Variants in RYR3 observed in about 807,000 individuals in gnomAD.
RYR3 encodes the protein ryanodine receptor 3.
Under a neutral mutation model 584.3 loss-of-function variants are expected in RYR3, and 207 were observed. That is an observed-to-expected ratio of 0.35 (90% CI 0.32 to 0.40). The LOEUF is 0.40. Among genes scored for constraint, RYR3 ranks in the 10% least tolerant of loss-of-function variants. RYR3 has a pLI of 1.00. For synonymous variants in RYR3, 2,416 were observed against 2,248.5 expected (o/e 1.07, Z -2.11); for missense variants, 5,616 against 6,089.2 (o/e 0.92, Z 2.59).
intron 67 of RYR3, 45 bp from the exon 68 acceptor site, chr15:33,800,725 T>G (rs2075872343): frequency 1.5e-6 from 2 of 1,347,904 alleles, no homozygotes; most frequent in East Asian, 4.6e-5. Context: ...AATATTTTAA[T>G]CTCTACTGAA....
intron 1 of RYR3, among the ~76,000 whole-genome samples, chr15:33,326,157 T>C (rs944683519): frequency 3.3e-5 from 5 of 152,180 alleles, no homozygotes; most frequent in African/African-American, 9.7e-5. Context: ...TTTTCCCCAA[T>C]GTCTACTGAA....
Position 33,790,965 on chromosome 15 carries a change from A to C in RYR3, c.9830+2507A>C, listed in dbSNP as rs550074272. ...GCTGGTAAATAAGATGAGAACTGAG[A>C]CTGGGCATTATATTAAGCAGCTCAT... is the stretch of plus-strand genomic sequence containing the variant. On this transcript the variant is annotated intron_variant, in intron 67 of 103. Coordinates refer to ENST00000634891, the MANE Select transcript of RYR3 (RefSeq NM_001036.6). Among the ~76,000 whole-genome samples, 108 of 152,222 alleles carry C rather than the reference A, an allele frequency of 7.1e-4. 1 individual carries two copies. The highest frequency in any genetic ancestry group is 1.5e-3 in the Admixed American group (23 of 15,284).
At chr15:33,660,006 G>A (rs866736640) in intron 33 of RYR3, among the ~76,000 whole-genome samples, 191 bp from the exon 34 acceptor site, 4 of 152,216 alleles carry the variant, frequency 2.6e-5, no homozygotes, top group Admixed American at 1.3e-4. Context: ...CCTCTTTTGG[G>A]TGCTGAAAGA....
In RYR3 at chr15:33,699,692, T is replaced by C; in HGVS notation, c.6250-12T>C. On this transcript the variant is annotated splice_polypyrimidine_tract_variant and intron_variant, in intron 40 of 103. Coordinates refer to ENST00000634891, the MANE Select transcript of RYR3 (RefSeq NM_001036.6). ...GATTCTTTTGTCTGACACTTTCTAC[T>C]TCTCCCTACAGATTGCATTTCCAAA... is the stretch of plus-strand genomic sequence containing the variant. 6.2e-7 allele frequency: 1 copy of C among 1,611,940 alleles called. No individual in the cohort carries two copies. The highest frequency in any genetic ancestry group is 1.1e-5 in the South Asian group (1 of 90,750).
At chr15:33,317,391 G>A (rs1487140472) in intron 1 of RYR3, among the ~76,000 whole-genome samples, 1 of 152,194 alleles carries the variant, frequency 6.6e-6, no homozygotes, top group African/African-American at 2.4e-5. Context: ...TGGTGAGGCT[G>A]TAGGGCCACA....
chr15:33,315,768 A>T (rs1201802445), intron 1 of RYR3, among the ~76,000 whole-genome samples: 1 of 152,178 alleles, frequency 6.6e-6, no homozygotes, highest in African/African-American at 2.4e-5. Flanking sequence ...CATCAGCAGT[A>T]GGGGGGTGGT....
chr15:33,592,943 A>G (rs2059202009), intron 16 of RYR3, among the ~76,000 whole-genome samples: 2 of 152,208 alleles, frequency 1.3e-5, no homozygotes, highest in South Asian at 4.1e-4. Context: ...GAGACGTGAG[A>G]CGTGGGACAT....
chr15:33,861,245 G>A (rs1216022248), intron 102 of RYR3, 67 bp downstream of exon 102: 2 of 1,164,996 alleles, frequency 1.7e-6, no homozygotes, highest in Admixed American at 2.0e-5. Flanking sequence ...AGGTCATATA[G>A]TTCAGTCTCT....
In RYR3 at chr15:33,706,999, C is replaced by A; in HGVS notation, c.6564C>A (p.Asn2188Lys). 1 of 1,613,928 alleles carries A rather than the reference C, an allele frequency of 6.2e-7. No homozygotes were observed. The highest frequency in any genetic ancestry group is 8.5e-7 in the Non-Finnish European group (1 of 1,179,938). Residue 2188 changes from asparagine (N) to lysine (K), a missense_variant, in exon 43 of 104, where the codon AAC becomes AAA. By Grantham distance (94) the Asn-to-Lys change is moderately conservative. Transcript: ENST00000634891. ...LAKGYPDVGW[N>K]PIEGERYLSF... ...AAGGATACCCTGATGTCGGCTGGAA[C>A]CCCATTGAAGGGGAACGCTACCTGT... is the stretch of plus-strand genomic sequence containing the variant.
intron 1 of RYR3, among the ~76,000 whole-genome samples, chr15:33,368,313 TG>T (rs1479720764): frequency 2.6e-5 from 4 of 151,844 alleles, no homozygotes; most frequent in African/African-American, 7.3e-5. Context: ...ACAGGACTTT[TG>T]TTTCTTCATT....
At chr15:33,648,163 A>T (rs2062216538) in intron 30 of RYR3, among the ~76,000 whole-genome samples, 1 of 152,188 alleles carries the variant, frequency 6.6e-6, no homozygotes, top group Non-Finnish European at 1.5e-5. Flanking sequence ...TTGCCTTCCC[A>T]TTTAATCTCC....
At chr15:33,540,000 G>A (rs146066056) in intron 6 of RYR3, among the ~76,000 whole-genome samples, 4 of 152,144 alleles carry the variant, frequency 2.6e-5, no homozygotes, top group East Asian at 1.9e-4. Context: ...GTTCAAACCC[G>A]TGTTGTTCAA....
At position 33,751,579 on chromosome 15, in the gene RYR3, G is replaced by GTT. The variant is rs200252156; in HGVS notation, c.8399+1305_8399+1306dup. Reference sequence around the variant, plus strand: ...AAGCCTTCACCCAGTTTTTGATGAGGTTTTTTTTTTTTTCTTGTAAATTTA... The same window carrying GTT: ...AAGCCTTCACCCAGTTTTTGATGAGGTTTTTTTTTTTTTTTCTTGTAAATTTA... On this transcript the variant is annotated intron_variant, in intron 57 of 103. Coordinates refer to ENST00000634891, the MANE Select transcript of RYR3 (RefSeq NM_001036.6). Among the ~76,000 whole-genome samples, 1,021 of 147,782 alleles carry GTT rather than the reference G, an allele frequency of 6.9e-3. 6 individuals are homozygous for GTT. Among genetic ancestry groups the GTT allele is most frequent in the African/African-American group, 0.02 (796 of 40,488 alleles).
At chr15:33,709,353 T>A (rs924326815) in intron 43 of RYR3, among the ~76,000 whole-genome samples, 2 of 152,172 alleles carry the variant, frequency 1.3e-5, no homozygotes, top group Non-Finnish European at 2.9e-5. Flanking sequence ...GAGATAAGCT[T>A]TGAAAGGTCA....
At chr15:33,548,434 T>C (rs2056417088) in intron 9 of RYR3, among the ~76,000 whole-genome samples, 1 of 152,194 alleles carries the variant, frequency 6.6e-6, no homozygotes, top group African/African-American at 2.4e-5. Context: ...GCCCTTGCAG[T>C]AGCTGACTAT....
chr15:33,527,584 C>T (rs1345717321), intron 3 of RYR3, among the ~76,000 whole-genome samples: 3 of 108,258 alleles, frequency 2.8e-5, no homozygotes, highest in African/African-American at 5.9e-5. Flanking sequence ...ACAACTCTGT[C>T]TCAAAAAAAA....
At chr15:33,479,843 C>A (rs1211332224) in intron 2 of RYR3, among the ~76,000 whole-genome samples, 1 of 152,170 alleles carries the variant, frequency 6.6e-6, no homozygotes, top group African/African-American at 2.4e-5. Flanking sequence ...GACTGTCTGG[C>A]ATTCCTAAGT....
In RYR3 at chr15:33,841,767, G is replaced by A. The variant is rs191354781; in HGVS notation, c.13038-97G>A. 10,164 of 1,245,584 alleles carry A rather than the reference G, an allele frequency of 8.2e-3. 44 individuals carry two copies. Among genetic ancestry groups the A allele is most frequent in the Middle Eastern group, 0.022 (81 of 3,686 alleles). 77.2% of individuals were successfully genotyped at this position (1,245,584 alleles called of 1,614,324 possible). A position where few individuals can be genotyped will look rare whatever the true frequency, so the allele number is the denominator to read the frequency against. Reference sequence around the variant, plus strand: ...CCTTCAAGGAATGATTCTACCTCCCGGCCCTCTCAATCCAGATTTCTCTTT... The same window carrying A: ...CCTTCAAGGAATGATTCTACCTCCCAGCCCTCTCAATCCAGATTTCTCTTT... On this transcript the variant is annotated intron_variant, in intron 90 of 103. Transcript: ENST00000634891.
chr15:33,455,216 C>T (rs1337275434), intron 1 of RYR3, among the ~76,000 whole-genome samples: 2 of 152,110 alleles, frequency 1.3e-5, no homozygotes, highest in Admixed American at 6.5e-5. Flanking sequence ...AGAAGAAACA[C>T]CTGTGGGAAG....
Sources: gnomAD v4.1 joint callset for allele counts (sites outside exome capture counted in the v4.1 genomes callset) on GRCh38, gnomAD v4.1.1 for gene constraint, MANE v1.5 for transcripts, NCBI Gene and HGNC (gene_info 2026-07-23, HGNC 2026-07-21) for gene names.